Variants in ULK2 observed in about 807,000 individuals in gnomAD.
ULK2 encodes the protein unc-51 like autophagy activating kinase 2, also known as serine/threonine-protein kinase ULK2.
A neutral mutation model predicts 127.5 loss-of-function variants in ULK2; 76 were observed. That is an observed-to-expected ratio of 0.60 (90% CI 0.50 to 0.72). The LOEUF (loss-of-function observed/expected upper bound fraction) is 0.72. Among genes scored for constraint, ULK2 ranks in the 30% least tolerant of loss-of-function variants. The pLI is 0.00. For synonymous variants in ULK2, 452 were observed against 461.9 expected, an observed-to-expected ratio of 0.98 and a Z score of 0.28; for missense variants, 1,144 against 1,295.9, an observed-to-expected ratio of 0.88 and a Z score of 1.80.
chr17:19,860,525 T>C (rs2042218956), intron 3 of ULK2, among the ~76,000 whole-genome samples: 2 of 138,606 alleles, frequency 1.4e-5, no homozygotes, highest in South Asian at 2.3e-4. Context: ...TTAATACCTC[T>C]TTTTTTTTTT....
At chr17:19,808,472 C>T (rs1221126219) in intron 14 of ULK2, among the ~76,000 whole-genome samples, 1 of 152,060 alleles carries the variant, frequency 6.6e-6, no homozygotes, top group Admixed American at 6.5e-5. Context: ...TATCAAAGGA[C>T]ACAAAGAGTC....
intron 5 of ULK2, 137 bp from the exon 6 acceptor site, chr17:19,847,047 A>T: frequency 2.5e-6 from 2 of 806,588 alleles, no homozygotes; most frequent in Non-Finnish European, 3.6e-6. Context: ...TTATTTTTTT[A>T]ACTTTAATAA....
chr17:19,792,096 T>C (rs2087168470), intron 20 of ULK2, among the ~76,000 whole-genome samples: 2 of 152,038 alleles, frequency 1.3e-5, no homozygotes, highest in African/African-American at 4.8e-5. Context: ...GAGGGAAATT[T>C]ATAGCTAAAA....
chr17:19,801,687 A>G, intron 16 of ULK2, 90 bp downstream of exon 16: 2 of 1,571,222 alleles, frequency 1.3e-6, no homozygotes, highest in East Asian at 4.5e-5. Flanking sequence ...CACTGCCATC[A>G]TGAGCCGAAG....
chr17:19,796,563 C>T (rs188172949), intron 18 of ULK2, among the ~76,000 whole-genome samples: 1 of 152,262 alleles, frequency 6.6e-6, no homozygotes, highest in Admixed American at 6.5e-5. Flanking sequence ...AGTTAGTTTA[C>T]TTAGGCCTTG....
intron 10 of ULK2, among the ~76,000 whole-genome samples, chr17:19,827,731 G>C (rs2041330028): frequency 1.3e-5 from 2 of 152,210 alleles, no homozygotes; most frequent in South Asian, 2.1e-4. Flanking sequence ...GACCAACATG[G>C]AGAAACCCCG....
At chr17:19,777,355 T>A (rs1396997300) in intron 26 of ULK2, among the ~76,000 whole-genome samples, 2 of 152,212 alleles carry the variant, frequency 1.3e-5, no homozygotes, top group Admixed American at 6.5e-5. Flanking sequence ...TCCGCCCACC[T>A]TGGCCTCCCA....
chr17:19,841,610 T>G, intron 8 of ULK2, 63 bp from the exon 9 acceptor site: 3 of 1,300,670 alleles, frequency 2.3e-6, no homozygotes, highest in Non-Finnish European at 3.2e-6. Context: ...AATCATATGA[T>G]TGACACTCAT....
In ULK2 at chr17:19,774,149, TACTC is replaced by T. The variant is rs1312402805; in HGVS notation, c.*2196_*2199del. 2.0e-5 allele frequency: 3 copies of T among 152,592 alleles called. No individual in the cohort carries two copies. The highest frequency in any genetic ancestry group is 4.4e-5 in the Non-Finnish European group (3 of 68,026). The allele number at this position is 152,592 out of a possible 1,614,324, so 9.5% of individuals were successfully genotyped here. ...TGAAACACGATATGAAATTTAAAAATACTCAGGGAAACATAAAGCATTTGTTTAT... is the reference window on the plus strand; with the variant it reads ...TGAAACACGATATGAAATTTAAAAATAGGGAAACATAAAGCATTTGTTTAT... On this transcript the variant is annotated 3_prime_UTR_variant, in exon 27 of 27. Coordinates refer to ENST00000395544, the MANE Select transcript of ULK2 (RefSeq NM_014683.4).
At chr17:19,798,335 T>C (rs1274854480) in intron 17 of ULK2, among the ~76,000 whole-genome samples, 1 of 152,204 alleles carries the variant, frequency 6.6e-6, no homozygotes, top group Non-Finnish European at 1.5e-5. Flanking sequence ...GCAGATATCC[T>C]TGCCTCTTCA....
intron 10 of ULK2, among the ~76,000 whole-genome samples, chr17:19,829,095 C>T (rs909245072): frequency 6.6e-6 from 1 of 150,852 alleles, no homozygotes; most frequent in African/African-American, 2.4e-5. Flanking sequence ...GAAAAAGAGA[C>T]TCGCTTTAAA....
At chr17:19,857,806 C>T (rs1261387353) in intron 3 of ULK2, among the ~76,000 whole-genome samples, 1 of 152,168 alleles carries the variant, frequency 6.6e-6, no homozygotes, top group Non-Finnish European at 1.5e-5. Context: ...GCTAACCTCT[C>T]CAGTATCATC....
chr17:19,853,247 G>A (rs948852689), intron 3 of ULK2, among the ~76,000 whole-genome samples: 3 of 151,206 alleles, frequency 2.0e-5, no homozygotes, highest in African/African-American at 7.3e-5. Context: ...CGAGTCTCCT[G>A]CCTCAGCACC....
rs116191775 is a variant in ULK2, at chr17:19,774,042, T to G, written c.*2307A>C. The G allele has an allele frequency of 6.6e-6, 1 of 152,478 alleles. No homozygotes were observed. Among genetic ancestry groups the G allele is most frequent in the Non-Finnish European group, 1.5e-5 (1 of 68,034 alleles). The allele number at this position is 152,478 out of a possible 1,614,324, so 9.4% of individuals were successfully genotyped here. On this transcript the variant is annotated 3_prime_UTR_variant, in exon 27 of 27. Coordinates refer to ENST00000395544, the MANE Select transcript of ULK2 (RefSeq NM_014683.4). ...TTAAAGCAAACCCTTAGAGCAGGAA[T>G]AGCTGGTCAGCAATTTTCCAGGTTA...
chr17:19,810,222 T>C lies in ULK2; in HGVS notation c.1157+156A>G, dbSNP rs942926758. 3.3e-5 allele frequency among the ~76,000 whole-genome samples: 4 copies of C among 120,282 alleles called. No individual in the cohort carries two copies. In the East Asian group the frequency reaches 1.1e-3, roughly 33 times the overall value. 78.9% of individuals were successfully genotyped at this position (120,282 alleles called of 152,430 possible). On this transcript the variant is annotated intron_variant, in intron 14 of 26. Coordinates refer to ENST00000395544, the MANE Select transcript of ULK2 (RefSeq NM_014683.4). ...TCTAGTCTGGGTGACAGAGCCAGAC[T>C]CCATCTCAAAAAAAAAAAAAAAAAA... is the stretch of plus-strand genomic sequence containing the variant.
chr17:19,803,821 C>T (rs2087452463), intron 15 of ULK2, among the ~76,000 whole-genome samples: 1 of 152,112 alleles, frequency 6.6e-6, no homozygotes, highest in African/African-American at 2.4e-5. Flanking sequence ...ACAGGAGAGG[C>T]CTGTATATGT....
chr17:19,821,355 C>T lies in ULK2; in HGVS notation c.924+3739G>A, dbSNP rs146288886. Among the ~76,000 whole-genome samples the T allele has an allele frequency of 1.1e-3, 163 of 152,148 alleles. 2 individuals carry two copies. Among genetic ancestry groups the T allele is most frequent in the South Asian group, 3.7e-3 (18 of 4,826 alleles). On this transcript the variant is annotated intron_variant, in intron 12 of 26. Transcript: ENST00000395544. ...TATTCAAGATTTACCATCTAAATAG[C>T]ATTTAATCTCTAGTCAGTATCATAA... is the stretch of plus-strand genomic sequence containing the variant.
chr17:19,822,329 GAT>G (rs999327754), intron 12 of ULK2, among the ~76,000 whole-genome samples: 24 of 151,938 alleles, frequency 1.6e-4, no homozygotes, highest in Non-Finnish European at 5.9e-5. Flanking sequence ...ACATAAAAAG[GAT>G]ATGTTTATGC....
chr17:19,783,877 A>C lies in ULK2; in HGVS notation c.2280T>G (p.Leu760=). The C allele has an allele frequency of 1.3e-6, 2 of 1,552,054 alleles. No homozygotes were observed. The highest frequency in any genetic ancestry group is 1.7e-6 in the Non-Finnish European group (2 of 1,148,780). Residue 760 remains leucine, a synonymous_variant, in exon 22 of 27, where the codon CTT becomes CTG. Transcript: ENST00000395544. ...SVGPSNSGGS[L]CAMSGRVCVG... ...CGCACACGCGGCCACTCATGGCACAAAGAGAGCCCCCGGAGTTGCTGGGCC... is the reference window on the plus strand; with the variant it reads ...CGCACACGCGGCCACTCATGGCACACAGAGAGCCCCCGGAGTTGCTGGGCC...
Sources: allele counts gnomAD v4.1 joint callset (sites outside exome capture counted in the v4.1 genomes callset), GRCh38; gene constraint gnomAD v4.1.1; transcripts MANE v1.5; gene names NCBI Gene and HGNC (gene_info 2026-07-23, HGNC 2026-07-21).